The following RELN variants were observed in gnomAD, a reference collection of about 807,000 sequenced individuals.
The protein encoded by RELN is reelin.
In RELN, 108 loss-of-function variants were observed where a neutral mutation model predicts 427.6. That is an observed-to-expected ratio of 0.25 (90% CI 0.22 to 0.30). The LOEUF (loss-of-function observed/expected upper bound fraction) is 0.30, where lower values mean the gene tolerates loss of function less well. RELN is among the 10% of genes least tolerant of loss of function. The pLI is 1.00. For missense variants in RELN, 3,715 were observed against 4,302.8 expected (o/e 0.86, Z 3.82); for synonymous variants, 1,524 against 1,513.4 (o/e 1.01, Z -0.16).
At chr7:103,606,308 T>C (rs1329855756) in intron 22 of RELN, among the ~76,000 whole-genome samples, 2 of 152,158 alleles carry the variant, frequency 1.3e-5, no homozygotes, top group Non-Finnish European at 2.9e-5. Context: ...AGTAAGTCAG[T>C]GAGTGGATGA....
chr7:103,897,120 A>G (rs1420428485), intron 2 of RELN, among the ~76,000 whole-genome samples: 2 of 152,090 alleles, frequency 1.3e-5, no homozygotes, highest in African/African-American at 2.4e-5. Flanking sequence ...ACCCATCCCC[A>G]TGATTAAATT....
intron 8 of RELN, among the ~76,000 whole-genome samples, chr7:103,701,344 G>C (rs1225953358): frequency 6.6e-6 from 1 of 152,056 alleles, no homozygotes; most frequent in East Asian, 1.9e-4. Flanking sequence ...TATGGTTCTT[G>C]CAAGTTAGTA....
chr7:103,627,812 C>A (rs1371573459), intron 20 of RELN: 1 of 152,188 alleles, frequency 6.6e-6, no homozygotes, highest in Non-Finnish European at 1.5e-5. Context: ...GTAAATGTAT[C>A]TCCACCAATT....
At chr7:103,792,922 A>C (rs1332660790) in intron 3 of RELN, among the ~76,000 whole-genome samples, 3 of 152,152 alleles carry the variant, frequency 2.0e-5, no homozygotes, top group African/African-American at 7.2e-5. Flanking sequence ...CTGTTTTTTG[A>C]GACTGATATT....
At chr7:103,663,786 C>A (rs1448656524) in intron 11 of RELN, among the ~76,000 whole-genome samples, 1 of 152,182 alleles carries the variant, frequency 6.6e-6, no homozygotes, top group African/African-American at 2.4e-5. Flanking sequence ...TGGTCTTTAG[C>A]TTCTCTGTTG....
intron 25 of RELN, among the ~76,000 whole-genome samples, chr7:103,595,464 C>T (rs947106489): frequency 6.6e-6 from 1 of 152,084 alleles, no homozygotes; most frequent in East Asian, 1.9e-4. Flanking sequence ...TATGTTTTAT[C>T]ATGGTAAGTT....
chr7:103,897,517 A>G (rs1448509939), intron 2 of RELN, among the ~76,000 whole-genome samples: 2 of 152,042 alleles, frequency 1.3e-5, no homozygotes, highest in Non-Finnish European at 2.9e-5. Flanking sequence ...ATATTACTTC[A>G]TTAAACGTTA....
At chr7:103,936,727 G>C (rs191612973) in intron 1 of RELN, among the ~76,000 whole-genome samples, 28 of 27,900 alleles carry the variant, frequency 1.0e-3, no homozygotes, top group East Asian at 6.5e-3. Context: ...CACACACACA[G>C]ACAGACAGAC....
chr7:103,589,394 G>T (rs767114258), intron 28 of RELN, among the ~76,000 whole-genome samples: 4 of 152,214 alleles, frequency 2.6e-5, no homozygotes, highest in Non-Finnish European at 4.4e-5. Flanking sequence ...ATTGTGTAAA[G>T]TGGCCTATGA....
intron 8 of RELN, among the ~76,000 whole-genome samples, chr7:103,721,618 A>C (rs2115900127): frequency 6.6e-6 from 1 of 152,294 alleles, no homozygotes; most frequent in South Asian, 2.1e-4. Context: ...ATAAAGGATA[A>C]TTTAATTGGT....
intron 3 of RELN, among the ~76,000 whole-genome samples, chr7:103,793,816 A>C (rs1224601701): frequency 6.6e-6 from 1 of 152,128 alleles, no homozygotes; most frequent in Non-Finnish European, 1.5e-5. Context: ...ACCCAGGCTA[A>C]AGTGCAGTGG....
At chr7:103,705,466 T>A (rs955772549) in intron 8 of RELN, among the ~76,000 whole-genome samples, 2 of 152,198 alleles carry the variant, frequency 1.3e-5, no homozygotes, top group Non-Finnish European at 2.9e-5. Context: ...AAAAATCTGA[T>A]AGTAGGTGTA....
At chr7:103,917,332 A>G in intron 1 of RELN, 147 bp from the exon 2 acceptor site, 1 of 683,530 alleles carries the variant, frequency 1.5e-6, no homozygotes, top group Non-Finnish European at 2.5e-6. Flanking sequence ...TGTATGAGAA[A>G]TTACAGAGGA....
chr7:103,649,175 G>A (rs900149698), intron 16 of RELN, among the ~76,000 whole-genome samples: 2 of 151,960 alleles, frequency 1.3e-5, no homozygotes, highest in Non-Finnish European at 2.9e-5. Context: ...GTAAAGTCAT[G>A]GAATCCACTA....
At chr7:103,479,457 A>C (rs1306220968) in intron 63 of RELN, among the ~76,000 whole-genome samples, 1 of 152,154 alleles carries the variant, frequency 6.6e-6, no homozygotes, top group Non-Finnish European at 1.5e-5. Context: ...GGCTGGAAAA[A>C]TATTATCTGT....
intron 3 of RELN, among the ~76,000 whole-genome samples, chr7:103,820,619 C>T (rs893230549): frequency 5.3e-5 from 8 of 151,342 alleles, no homozygotes; most frequent in African/African-American, 1.9e-4. Context: ...TAACAATTTG[C>T]TTTAAGTGTC....
intron 10 of RELN, among the ~76,000 whole-genome samples, chr7:103,687,435 C>T (rs1301735026): frequency 5.3e-5 from 8 of 152,128 alleles, no homozygotes; most frequent in African/African-American, 1.9e-4. Flanking sequence ...CATTTGGCAT[C>T]TCCGAGCCTC....
intron 3 of RELN, among the ~76,000 whole-genome samples, chr7:103,831,037 C>T (rs1793261590): frequency 6.6e-6 from 1 of 151,856 alleles, no homozygotes; most frequent in Non-Finnish European, 1.5e-5. Context: ...TAAGTTATTT[C>T]TCAGAAGAAA....
intron 24 of RELN, among the ~76,000 whole-genome samples, chr7:103,597,086 T>A (rs1831555119): frequency 6.6e-6 from 1 of 152,228 alleles, no homozygotes. Flanking sequence ...ACTAGCTGTG[T>A]GACCTTTCTG....
Sources: allele counts gnomAD v4.1 joint callset (sites outside exome capture counted in the v4.1 genomes callset), GRCh38; gene constraint gnomAD v4.1.1; transcripts MANE v1.5; gene names NCBI Gene and HGNC (gene_info 2026-07-23, HGNC 2026-07-21).